Variants in LRRC27 observed in about 807,000 individuals in gnomAD.
The protein encoded by LRRC27 is leucine rich repeat containing 27.
In LRRC27, 57 loss-of-function variants were observed where a neutral mutation model predicts 55.0. The ratio of observed to expected loss-of-function variants is 1.04; its 90% CI spans 0.84 to 1.29. LRRC27 has a LOEUF of 1.29. LRRC27 is among the 50% of genes most tolerant of loss of function. LRRC27 has a pLI of 0.00. For synonymous variants in LRRC27, 278 were observed against 251.9 expected, an observed-to-expected ratio of 1.10 and a Z score of -0.98; for missense variants, 721 against 651.5, an observed-to-expected ratio of 1.11 and a Z score of -1.16.
chr10:132,353,982 C>T (rs2068188539), intron 7 of LRRC27, among the ~76,000 whole-genome samples: 2 of 152,258 alleles, frequency 1.3e-5, no homozygotes, highest in South Asian at 4.1e-4. Context: ...TGTCCAGACA[C>T]CTGCCCCCTT....
chr10:132,351,512 G>T, intron 6 of LRRC27, 95 bp from the exon 7 acceptor site: 2 of 1,382,928 alleles, frequency 1.4e-6, no homozygotes, highest in South Asian at 1.3e-5. Flanking sequence ...ATGAGCGGAT[G>T]ATCCACAGGC....
chr10:132,352,033 G>T lies in LRRC27; in HGVS notation c.1073+280G>T, dbSNP rs1250641335. The stretch of plus-strand genomic sequence containing the variant: ...GTGTGGGGCAGGCGCTGAGGCCTCC[G>T]TGTGGGGCAGGCGCTGAGGCCTCCG... On this transcript the variant is annotated intron_variant, in intron 7 of 10. Coordinates refer to ENST00000368614, the MANE Select transcript of LRRC27 (RefSeq NM_030626.3). Among the ~76,000 whole-genome samples the T allele has an allele frequency of 2.1e-5, 3 of 142,650 alleles. No homozygotes were observed. In the South Asian group the frequency reaches 6.7e-4, roughly 32 times the overall value. The allele number at this position is 142,650 out of a possible 152,430, so 93.6% of individuals were successfully genotyped here.
At chr10:132,336,749 T>C (rs1222402983) in intron 2 of LRRC27, 6 of 770,186 alleles carry the variant, frequency 7.8e-6, no homozygotes, top group Non-Finnish European at 1.4e-5. Flanking sequence ...CCAGGCAGTC[T>C]GGCTTTGAGA....
At chr10:132,331,585 A>G (rs773355373), upstream of LRRC27, 3 of 1,612,940 alleles carry the variant, frequency 1.9e-6, no homozygotes, top group African/African-American at 1.3e-5. Context: ...AGGAAGCCCC[A>G]GGAGAGACGC....
intron 2 of LRRC27, among the ~76,000 whole-genome samples, chr10:132,336,276 C>T (rs1179692268): frequency 6.6e-6 from 1 of 152,180 alleles, no homozygotes; most frequent in Non-Finnish European, 1.5e-5. Flanking sequence ...CCGAGAAAGG[C>T]AGCACGTGGA....
chr10:132,370,311 T>A (rs1354386333), intron 10 of LRRC27, among the ~76,000 whole-genome samples: 2 of 152,158 alleles, frequency 1.3e-5, no homozygotes, highest in African/African-American at 2.4e-5. Context: ...ACTGCCAAGA[T>A]CCAGGGAGGG....
rs752075083 is a variant in LRRC27, at chr10:132,344,641, A to G, written c.544A>G (p.Thr182Ala). ...AVEHSLPRNP[T>A]SQEAPPVREM... ...AGAACACTCTCTCCCCAGAAATCCA[A>G]CTTCTCAAGGTTTGTAGGAGGTGAT... The change falls in exon 5 of 11, where the codon ACT becomes GCT. Residue 182 changes from threonine to alanine, a missense_variant. Physicochemically the swap from Thr to Ala is moderately conservative, Grantham distance 58. Transcript: ENST00000368614. 12 of 1,613,726 alleles carry G rather than the reference A, an allele frequency of 7.4e-6. No homozygotes were observed. The highest frequency in any genetic ancestry group is 2.2e-5 in the South Asian group (2 of 91,074).
chr10:132,330,792 G>A (rs533822102), upstream of LRRC27, among the ~76,000 whole-genome samples: 162 of 151,050 alleles, frequency 1.1e-3, 2 homozygotes, highest in Middle Eastern at 0.021. Flanking sequence ...TTACAGGCGT[G>A]AGCCATCGTG....
At chr10:132,363,444 TCA>T (rs1418185495) in intron 9 of LRRC27, among the ~76,000 whole-genome samples, 1 of 152,134 alleles carries the variant, frequency 6.6e-6, no homozygotes, top group Non-Finnish European at 1.5e-5. Context: ...ACACGGAGCC[TCA>T]GTGTGGACAC....
At chr10:132,335,949 A>G (rs1055953852) in intron 2 of LRRC27, among the ~76,000 whole-genome samples, 2 of 152,166 alleles carry the variant, frequency 1.3e-5, no homozygotes, top group African/African-American at 4.8e-5. Context: ...GGAATGGCCA[A>G]CAAGCAGGCA....
At chr10:132,335,477 G>A (rs372539015) in intron 2 of LRRC27, among the ~76,000 whole-genome samples, 1 of 146,682 alleles carries the variant, frequency 6.8e-6, no homozygotes, top group Admixed American at 6.8e-5. Context: ...GAGTACTATG[G>A]GGGGGGGTCA....
At chr10:132,342,570 G>C (rs1374882699) in intron 4 of LRRC27, among the ~76,000 whole-genome samples, 1 of 152,206 alleles carries the variant, frequency 6.6e-6, no homozygotes, top group African/African-American at 2.4e-5. Flanking sequence ...CCTGCGTGCT[G>C]TCTCCGCTGC....
In LRRC27 at chr10:132,376,394, A is replaced by G. The variant is rs1036832959; in HGVS notation, c.*1152A>G. The G allele has an allele frequency of 6.6e-6, 1 of 152,240 alleles. No individual in the cohort carries two copies. Among genetic ancestry groups the G allele is most frequent in the Non-Finnish European group, 1.5e-5 (1 of 68,036 alleles). The allele number at this position is 152,240 out of a possible 1,614,324, so 9.4% of individuals were successfully genotyped here. ...AGAGAAGAAGGGCGTGAAATTTATC[A>G]CCTAAGCTTTCCATTCAGGAAGCTA... is the stretch of plus-strand genomic sequence containing the variant. On this transcript the variant is annotated 3_prime_UTR_variant, in exon 11 of 11. Transcript: ENST00000368614.
chr10:132,349,547 C>A (rs1393419750), intron 6 of LRRC27, among the ~76,000 whole-genome samples: 2 of 152,220 alleles, frequency 1.3e-5, no homozygotes, highest in Non-Finnish European at 2.9e-5. Context: ...CAGGAATATC[C>A]TGAGCCTGCT....
At chr10:132,349,585 C>T (rs1389470254) in intron 6 of LRRC27, among the ~76,000 whole-genome samples, 1 of 152,188 alleles carries the variant, frequency 6.6e-6, no homozygotes, top group Non-Finnish European at 1.5e-5. Context: ...CTTCCCTCCT[C>T]CCTTCAAATA....
At chr10:132,364,471 TTACACCC>T (rs2068867187) in intron 9 of LRRC27, among the ~76,000 whole-genome samples, 1 of 41,806 alleles carries the variant, frequency 2.4e-5, no homozygotes, top group Non-Finnish European at 4.3e-5. Context: ...CCACCCACAC[TTACACCC>T]ACCCACACTT....
At chr10:132,363,608 T>C (rs2068751084) in intron 9 of LRRC27, among the ~76,000 whole-genome samples, 1 of 152,208 alleles carries the variant, frequency 6.6e-6, no homozygotes, top group Non-Finnish European at 1.5e-5. Context: ...CGTGCTTTCC[T>C]GGCCTGCACC....
intron 10 of LRRC27, 87 bp downstream of exon 10, chr10:132,365,637 T>A: frequency 1.3e-6 from 2 of 1,496,748 alleles, no homozygotes; most frequent in South Asian, 1.3e-5. Flanking sequence ...AGTCTTGTTC[T>A]GTCACCCAGG....
intron 4 of LRRC27, among the ~76,000 whole-genome samples, chr10:132,344,058 G>A (rs2067555252): frequency 6.6e-6 from 1 of 152,196 alleles, no homozygotes; most frequent in Non-Finnish European, 1.5e-5. Context: ...ATATTTAAAT[G>A]GTTGCTTTGA....
Sources: allele counts gnomAD v4.1 joint callset (sites outside exome capture counted in the v4.1 genomes callset), GRCh38; gene constraint gnomAD v4.1.1; transcripts MANE v1.5; gene names NCBI Gene and HGNC (gene_info 2026-07-23, HGNC 2026-07-21).